Variants in HFE observed in about 807,000 individuals in gnomAD.
The protein encoded by HFE is hereditary hemochromatosis protein.
A neutral mutation model predicts 40.9 loss-of-function variants in HFE; 36 were observed. The ratio of observed to expected loss-of-function variants is 0.88; its 90% CI spans 0.67 to 1.16. HFE has a LOEUF of 1.16. Ranked by LOEUF, HFE falls within the 50% of genes most tolerant of loss-of-function variation. The pLI is 0.00. For missense variants in HFE, 376 were observed against 432.0 expected, an observed-to-expected ratio of 0.87 and a Z score of 1.15; for synonymous variants, 157 against 165.4, an observed-to-expected ratio of 0.95 and a Z score of 0.39.
At chr6:26,093,056 T>C (rs561001400) in intron 4 of HFE, 63 bp from the exon 5 acceptor site, 1 of 1,613,472 alleles carries the variant, frequency 6.2e-7, no homozygotes, top group African/African-American at 1.3e-5. Flanking sequence ...GAGGATCTGC[T>C]CTTTGTTAGG....
rs975336210 is a variant in HFE, at chr6:26,096,743, A to C, written c.*2517A>C. Reference sequence around the variant, plus strand: ...AAGCTGTTATTTAATTAGCCAGTGAAAAACTATTAACAACTTGTCTATTAC... The same window carrying C: ...AAGCTGTTATTTAATTAGCCAGTGACAAACTATTAACAACTTGTCTATTAC... On this transcript the variant is annotated 3_prime_UTR_variant, in exon 6 of 6. Coordinates refer to ENST00000357618, the MANE Select transcript of HFE (RefSeq NM_000410.4). The C allele has an allele frequency of 8.1e-6, 3 of 372,480 alleles. No homozygotes were observed. Among genetic ancestry groups the C allele is most frequent in the African/African-American group, 6.4e-5 (3 of 47,016 alleles). The allele number at this position is 372,480 out of a possible 1,614,324, so 23.1% of individuals were successfully genotyped here. A position where few individuals can be genotyped will look rare whatever the true frequency, so the allele number is the denominator to read the frequency against.
chr6:26,096,365 A>T lies in HFE; in HGVS notation c.*2139A>T. 4.5e-6 allele frequency: 2 copies of T among 444,096 alleles called. No homozygotes were observed. The highest frequency in any genetic ancestry group is 3.2e-5 in the South Asian group (2 of 62,550). 27.5% of individuals were successfully genotyped at this position (444,096 alleles called of 1,614,324 possible). A position where few individuals can be genotyped will look rare whatever the true frequency, so the allele number is the denominator to read the frequency against. On this transcript the variant is annotated 3_prime_UTR_variant, in exon 6 of 6. Transcript: ENST00000357618. ...GCCAGGCTGGTCTCGAACTCTCCTGACCTCGTGATCCGCCTGCCTCGGCCT... is the reference window on the plus strand; with the variant it reads ...GCCAGGCTGGTCTCGAACTCTCCTGTCCTCGTGATCCGCCTGCCTCGGCCT...
At position 26,095,072 on chromosome 6, in the gene HFE, A is replaced by C. The variant is rs1253740571; in HGVS notation, c.*846A>C. The C allele has an allele frequency of 6.5e-6, 1 of 153,528 alleles. No homozygotes were observed. Among genetic ancestry groups the C allele is most frequent in the African/African-American group, 2.4e-5 (1 of 41,450 alleles). The allele number at this position is 153,528 out of a possible 1,614,324, so 9.5% of individuals were successfully genotyped here. A position where few individuals can be genotyped will look rare whatever the true frequency, so the allele number is the denominator to read the frequency against. ...TCTGATAATGAAAATTATGATAAGG[A>C]TGATAAAAGCACTTACTTCGTGTCC... On this transcript the variant is annotated 3_prime_UTR_variant, in exon 6 of 6. Transcript: ENST00000357618.
chr6:26,092,916 A>C lies in HFE; in HGVS notation c.848A>C (p.Gln283Pro), dbSNP rs111033563. 6 of 1,614,162 alleles carry C rather than the reference A, an allele frequency of 3.7e-6. No individual in the cohort carries two copies. Among genetic ancestry groups the C allele is most frequent in the Non-Finnish European group, 3.4e-6 (4 of 1,180,016 alleles). ...GGGGAAGAGCAGAGATATACGTGCC[A>C]GGTGGAGCACCCAGGCCTGGATCAG... ...PPGEEQRYTC[Q>P]VEHPGLDQPL... The change falls in exon 4 of 6, where the codon CAG becomes CCG. Residue 283 changes from glutamine to proline, a missense_variant. By Grantham distance (76) the Gln-to-Pro change is moderately conservative. This residue lies in a region of HFE where 173 missense variants were observed against 186.9 expected (regional missense o/e 0.93). Coordinates refer to ENST00000357618, the MANE Select transcript of HFE (RefSeq NM_000410.4).
rs185489863 is a variant in HFE at position 26,089,113 on chromosome 6, G to T, written c.76+1597G>T. 7.6e-3 allele frequency among the ~76,000 whole-genome samples: 1,086 copies of T among 143,604 alleles called. 24 individuals are homozygous for T. The highest frequency in any genetic ancestry group is 0.026 in the African/African-American group (965 of 37,352). 94.2% of individuals were successfully genotyped at this position (143,604 alleles called of 152,430 possible). On this transcript the variant is annotated intron_variant, in intron 1 of 5. Coordinates refer to ENST00000357618, the MANE Select transcript of HFE (RefSeq NM_000410.4). ...ACTACTCATGTGTGTGTGTGTGGGG[G>T]GGGGGGGCGGCGTGGGGGTGGGAAG...
Position 26,092,714 on chromosome 6 carries a change from G to A in HFE, c.646G>A (p.Val216Met). ...TCCTTTGGTGAAGGTGACACATCAT[G>A]TGACCTCTTCAGTGACCACTCTACG... ...VPPLVKVTHHVTSSVTTLRCR... is the reference protein window; with the variant it reads ...VPPLVKVTHHMTSSVTTLRCR... Residue 216 changes from valine (V) to methionine (M), a missense_variant, in exon 4 of 6, where the codon GTG (valine) becomes ATG (methionine). This residue lies in a region of HFE where 173 missense variants were observed against 186.9 expected (regional missense o/e 0.93). Transcript: ENST00000357618. 6.2e-7 allele frequency: 1 copy of A among 1,614,198 alleles called. No homozygotes were observed. The highest frequency in any genetic ancestry group is 1.6e-4 in the Middle Eastern group (1 of 6,062).
Position 26,087,497 on chromosome 6 carries a change from C to G in HFE, c.57C>G (p.Val19=). ...LLLLMLLQTA[V]LQGRLLRSHS... is the part of the protein sequence containing the mutation. ...TCCTGATGCTTTTGCAGACCGCGGT[C>G]CTGCAGGGGCGCTTGCTGCGTGAGT... Residue 19 remains valine (V), a synonymous_variant, in exon 1 of 6, where the codon GTC becomes GTG. Coordinates refer to ENST00000357618, the MANE Select transcript of HFE (RefSeq NM_000410.4). The G allele has an allele frequency of 6.2e-7, 1 of 1,613,572 alleles. No homozygotes were observed.
rs771208319 is a variant in HFE at position 26,091,294 on chromosome 6, A to AATTT, written c.341-19_341-18insTTTA. On this transcript the variant is annotated intron_variant, in intron 2 of 5. Coordinates refer to ENST00000357618, the MANE Select transcript of HFE (RefSeq NM_000410.4). The stretch of plus-strand genomic sequence containing the variant: ...ACCTATTCCTTTGGTTGCAGTTAAC[A>AATTT]AGGCTGGGGATTTTTCCAGAGTCCC... 2 of 1,613,992 alleles carry AATTT rather than the reference A, an allele frequency of 1.2e-6. No homozygotes were observed. The highest frequency in any genetic ancestry group is 1.7e-6 in the Non-Finnish European group (2 of 1,180,024).
chr6:26,096,578 C>T lies in HFE; in HGVS notation c.*2352C>T. ...ACCATATACAGCTCAGAAGTTTCTT[C>T]TTTAGGCATTAAATTTTAGCAAAGA... On this transcript the variant is annotated 3_prime_UTR_variant, in exon 6 of 6. Coordinates refer to ENST00000357618, the MANE Select transcript of HFE (RefSeq NM_000410.4). 2 of 456,260 alleles carry T rather than the reference C, an allele frequency of 4.4e-6. No homozygotes were observed. Among genetic ancestry groups the T allele is most frequent in the Non-Finnish European group, 4.4e-6 (1 of 226,774 alleles). The allele number at this position is 456,260 out of a possible 1,614,324, so 28.3% of individuals were successfully genotyped here.
chr6:26,090,075 C>T (rs1762570018), intron 1 of HFE, among the ~76,000 whole-genome samples: 1 of 152,088 alleles, frequency 6.6e-6, no homozygotes, highest in African/African-American at 2.4e-5. Context: ...CAAGGATCTG[C>T]ATTTGGACAT....
chr6:26,089,665 G>A (rs980038972), intron 1 of HFE, among the ~76,000 whole-genome samples: 6 of 152,116 alleles, frequency 3.9e-5, no homozygotes, highest in African/African-American at 1.4e-4. Context: ...AATTGGCTGG[G>A]TGTAGTAGCT....
At chr6:26,093,781 C>T (rs1049350367) in intron 5 of HFE, among the ~76,000 whole-genome samples, 1 of 151,890 alleles carries the variant, frequency 6.6e-6, no homozygotes, top group Non-Finnish European at 1.5e-5. Context: ...ATTACTGTAC[C>T]TTAACCCTGA....
At position 26,094,178 on chromosome 6, in the gene HFE, C is replaced by A; in HGVS notation, c.1007-8C>A. ...GATGCCTCTTTCCTGGGTCTCTTGT[C>A]TCCACAGGAGGAGCCATGGGGCACT... On this transcript the variant is annotated splice_polypyrimidine_tract_variant and splice_region_variant and intron_variant, in intron 5 of 5. Transcript: ENST00000357618. The A allele has an allele frequency of 6.2e-7, 1 of 1,613,740 alleles. No individual in the cohort carries two copies. The highest frequency in any genetic ancestry group is 8.5e-7 in the Non-Finnish European group (1 of 1,179,900).
rs1762644334 is a variant in HFE, at chr6:26,090,846, C to T, written c.82C>T (p.His28Tyr). The part of the protein sequence containing the change: ...AVLQGRLLRS[H>Y]SLHYLFMGAS... The stretch of plus-strand genomic sequence containing the variant: ...GCCTGTTGCTCTGTCTCCAGGTTCA[C>T]ACTCTCTGCACTACCTCTTCATGGG... Residue 28 changes from histidine to tyrosine, a missense_variant, in exon 2 of 6, where the codon CAC becomes TAC. His to Tyr is a moderately conservative substitution (Grantham distance 83, BLOSUM62 2). Coordinates refer to ENST00000357618, the MANE Select transcript of HFE (RefSeq NM_000410.4). 1.2e-6 allele frequency: 2 copies of T among 1,613,688 alleles called. No homozygotes were observed. Among genetic ancestry groups the T allele is most frequent in the Non-Finnish European group, 1.7e-6 (2 of 1,180,034 alleles).
rs1763088244 is a variant in HFE at position 26,097,541 on chromosome 6, T to A, written c.*3315T>A. 6.6e-6 allele frequency: 1 copy of A among 151,960 alleles called. No homozygotes were observed. The highest frequency in any genetic ancestry group is 1.5e-5 in the Non-Finnish European group (1 of 68,008). The allele number at this position is 151,960 out of a possible 1,614,324, so 9.4% of individuals were successfully genotyped here. On this transcript the variant is annotated 3_prime_UTR_variant, in exon 6 of 6. Transcript: ENST00000357618. Reference sequence around the variant, plus strand: ...GCAGCGCTGAGGGTTTTCCTGAAGGTAAAGGAATAAAGAATGGGTGGAGGG... The same window carrying A: ...GCAGCGCTGAGGGTTTTCCTGAAGGAAAAGGAATAAAGAATGGGTGGAGGG...
At chr6:26,087,553 C>CG (rs905585653) in intron 1 of HFE, 37 bp downstream of exon 1, 34 of 1,578,346 alleles carry the variant, frequency 2.2e-5, no homozygotes, top group Non-Finnish European at 2.8e-5. Flanking sequence ...AGGGGCGCGG[C>CG]GGGGGTGGAA....
intron 1 of HFE, among the ~76,000 whole-genome samples, chr6:26,090,473 T>TAAAAAAAAAAA (rs1762618407): frequency 1.3e-5 from 1 of 75,958 alleles, no homozygotes; most frequent in Non-Finnish European, 2.7e-5. Flanking sequence ...AAAAAAAAAC[T>TAAAAAAAAAAA]GAAGGAATTA....
In HFE at chr6:26,096,104, A is replaced by AT. The variant is rs1401310680; in HGVS notation, c.*1880dup. The AT allele has an allele frequency of 1.3e-5, 2 of 156,434 alleles. No homozygotes were observed. Among genetic ancestry groups the AT allele is most frequent in the Non-Finnish European group, 2.8e-5 (2 of 71,148 alleles). 9.7% of individuals were successfully genotyped at this position (156,434 alleles called of 1,614,324 possible). ...AAAAATCTAACCAGGACATTCAGGA[A>AT]TTGCTAGATTCTGGGAAATCAGTTC... On this transcript the variant is annotated 3_prime_UTR_variant, in exon 6 of 6. Transcript: ENST00000357618.
rs1156703908 is a variant in HFE at position 26,096,082 on chromosome 6, A to G, written c.*1856A>G. On this transcript the variant is annotated 3_prime_UTR_variant, in exon 6 of 6. Coordinates refer to ENST00000357618, the MANE Select transcript of HFE (RefSeq NM_000410.4). ...GGGTTCCGGTGCACATTAAAAAAAA[A>G]ATCTAACCAGGACATTCAGGAATTG... The G allele has an allele frequency of 1.3e-5, 2 of 155,440 alleles. No individual in the cohort carries two copies. The highest frequency in any genetic ancestry group is 4.8e-5 in the African/African-American group (2 of 41,408). 9.6% of individuals were successfully genotyped at this position (155,440 alleles called of 1,614,324 possible). A position where few individuals can be genotyped will look rare whatever the true frequency, so the allele number is the denominator to read the frequency against.
Sources: allele counts gnomAD v4.1 joint callset (sites outside exome capture counted in the v4.1 genomes callset), GRCh38; gene constraint gnomAD v4.1.1; regional missense constraint gnomAD v4.1.1; transcripts MANE v1.5; gene names NCBI Gene and HGNC (gene_info 2026-07-23, HGNC 2026-07-21).